ZSCAN5A: variants seen among roughly 807,000 people sequenced by gnomAD.
ZSCAN5A encodes zinc finger and SCAN domain containing 5A, also known as zinc finger and SCAN domain-containing protein 5A.
In ZSCAN5A, 12 loss-of-function variants were observed where a neutral mutation model predicts 23.7. The ratio of observed to expected loss-of-function variants is 0.51; its 90% CI spans 0.32 to 0.82. ZSCAN5A has a LOEUF of 0.82. Ranked by LOEUF, ZSCAN5A falls within the 40% of genes least tolerant of loss-of-function variation. The probability of loss-of-function intolerance (pLI) is 0.03; values close to 1 mark genes in which losing one functional copy is unlikely to be tolerated. For synonymous variants in ZSCAN5A, 257 were observed against 239.9 expected (o/e 1.07, Z -0.66); for missense variants, 597 against 617.9 (o/e 0.97, Z 0.36).
chr19:56,252,892 G>C (rs1306318026), intron 2 of ZSCAN5A, among the ~76,000 whole-genome samples: 1 of 152,202 alleles, frequency 6.6e-6, no homozygotes, highest in African/African-American at 2.4e-5. Flanking sequence ...CACGCCAGGG[G>C]GCCCCATTCA....
chr19:56,266,368 T>C (rs1185903211), intron 2 of ZSCAN5A: 5 of 152,150 alleles, frequency 3.3e-5, no homozygotes, highest in Admixed American at 3.3e-4. Context: ...GAGATGATAA[T>C]GTGTGTGAAG....
rs187837440 is a variant in ZSCAN5A, at chr19:56,261,140, G to A, written c.-127-35967C>T. Among the ~76,000 whole-genome samples the A allele has an allele frequency of 4.2e-3, 634 of 152,088 alleles. 5 individuals carry two copies. The highest frequency in any genetic ancestry group is 5.9e-3 in the Admixed American group (90 of 15,286). On this transcript the variant is annotated intron_variant, in intron 2 of 5. Transcript: ENST00000683990. The stretch of plus-strand genomic sequence containing the variant: ...GGAGAATCTCTTGAACTTGGGAGGC[G>A]GAGGTTGCAGTGAGCTGAGATTGTG...
intron 2 of ZSCAN5A, among the ~76,000 whole-genome samples, chr19:56,301,081 G>C (rs535225193): frequency 6.6e-6 from 1 of 152,044 alleles, no homozygotes; most frequent in South Asian, 2.1e-4. Flanking sequence ...AAGGGGTCCC[G>C]ATCAAGACCC....
At chr19:56,320,138 A>C in intron 2 of ZSCAN5A, 1 of 755,222 alleles carries the variant, frequency 1.3e-6, no homozygotes. Context: ...TTCTGATCAA[A>C]GTTTAGTCTG....
intron 2 of ZSCAN5A, among the ~76,000 whole-genome samples, chr19:56,346,241 A>G (rs1395236045): frequency 6.6e-6 from 1 of 152,188 alleles, no homozygotes; most frequent in Admixed American, 6.5e-5. Context: ...AACAAAAAAC[A>G]TTTAAGCAAA....
intron 2 of ZSCAN5A, among the ~76,000 whole-genome samples, chr19:56,328,801 A>G (rs1239698601): frequency 1.3e-5 from 2 of 150,936 alleles, no homozygotes; most frequent in East Asian, 3.9e-4. Flanking sequence ...GGAGATCGAG[A>G]CCACGGTGAA....
At chr19:56,243,734 C>T (rs2035614355) in intron 2 of ZSCAN5A, among the ~76,000 whole-genome samples, 1 of 152,000 alleles carries the variant, frequency 6.6e-6, no homozygotes, top group South Asian at 2.1e-4. Flanking sequence ...TCCAGGGGAG[C>T]ATTAGGATTT....
intron 2 of ZSCAN5A, among the ~76,000 whole-genome samples, chr19:56,307,927 G>A (rs1188458870): frequency 2.0e-5 from 3 of 152,224 alleles, no homozygotes; most frequent in Non-Finnish European, 4.4e-5. Flanking sequence ...ATCAAGTTCA[G>A]GTCTCTGGCA....
At chr19:56,289,458 C>A (rs1420791620) in intron 2 of ZSCAN5A, among the ~76,000 whole-genome samples, 1 of 152,154 alleles carries the variant, frequency 6.6e-6, no homozygotes, top group Non-Finnish European at 1.5e-5. Context: ...CGTATTTATA[C>A]TCTAGTTCGG....
chr19:56,265,154 T>A (rs1183697524), intron 2 of ZSCAN5A, among the ~76,000 whole-genome samples: 2 of 151,436 alleles, frequency 1.3e-5, no homozygotes, highest in Admixed American at 1.3e-4. Flanking sequence ...TAAATGCTTA[T>A]CCTGTATGTA....
chr19:56,335,629 G>T (rs1319951804), intron 2 of ZSCAN5A, among the ~76,000 whole-genome samples: 2 of 152,206 alleles, frequency 1.3e-5, no homozygotes, highest in Non-Finnish European at 2.9e-5. Flanking sequence ...CTGTCATTAT[G>T]ATGTTAGCTG....
chr19:56,290,749 A>G (rs1275028610), intron 2 of ZSCAN5A, among the ~76,000 whole-genome samples: 5 of 152,160 alleles, frequency 3.3e-5, no homozygotes, highest in Non-Finnish European at 5.9e-5. Flanking sequence ...TGAATGGAGG[A>G]ATAATTGAAT....
At chr19:56,291,964 C>T (rs2039538915) in intron 2 of ZSCAN5A, among the ~76,000 whole-genome samples, 1 of 152,128 alleles carries the variant, frequency 6.6e-6, no homozygotes, top group Non-Finnish European at 1.5e-5. Context: ...AGTTATTCCC[C>T]ACAACTTCTT....
rs141105396 is a variant in ZSCAN5A at position 56,246,019 on chromosome 19, T to C, written c.-127-20846A>G. Among the ~76,000 whole-genome samples, 75 of 151,700 alleles carry C rather than the reference T, an allele frequency of 4.9e-4. 1 individual carries two copies. The highest frequency in any genetic ancestry group is 6.6e-4 in the Non-Finnish European group (45 of 67,854). On this transcript the variant is annotated intron_variant, in intron 2 of 5. Transcript: ENST00000683990. The stretch of plus-strand genomic sequence containing the variant: ...CCACCTAGAGTCATGCTCCTTCCAG[T>C]GTCAGGGGCAGGGAGACGTTGGCAC...
At chr19:56,271,004 A>G (rs545748190) in intron 2 of ZSCAN5A, among the ~76,000 whole-genome samples, 6 of 152,370 alleles carry the variant, frequency 3.9e-5, no homozygotes, top group Middle Eastern at 3.4e-3. Context: ...ATGCTAAAGA[A>G]TATTAATGAT....
rs1473360888 is a variant in ZSCAN5A, at chr19:56,223,639, T to C, written c.580A>G (p.Arg194Gly). The change falls in exon 4 of 6, where the codon AGG becomes GGG. Residue 194 changes from arginine to glycine, a missense_variant. Around this residue, in one of 5 missense-constraint regions of ZSCAN5A, gnomAD observed 406 missense variants for 353.2 expected, o/e 1.15. Transcript: ENST00000683990. ...QILPRVPALS[R>G]RQGEDFLLHK... The stretch of plus-strand genomic sequence containing the variant: ...AGGCCTCACACACTCACCTGCCTCC[T>C]GGACAATGCAGGGACCCTGGGCAGG... 8.1e-6 allele frequency: 13 copies of C among 1,613,340 alleles called. No individual in the cohort carries two copies. The highest frequency in any genetic ancestry group is 1.1e-5 in the Non-Finnish European group (13 of 1,179,942).
chr19:56,366,807 T>C (rs1361044549), intron 1 of ZSCAN5A, among the ~76,000 whole-genome samples: 1 of 152,194 alleles, frequency 6.6e-6, no homozygotes, highest in Non-Finnish European at 1.5e-5. Context: ...GTTTATATAT[T>C]ATTTTTGCAG....
At chr19:56,280,830 C>T (rs1189424683) in intron 2 of ZSCAN5A, 1 of 152,078 alleles carries the variant, frequency 6.6e-6, no homozygotes, top group Non-Finnish European at 1.5e-5. Context: ...CCCATTAGGC[C>T]CCACCTCCCA....
At chr19:56,313,241 CA>C in intron 2 of ZSCAN5A, 41 bp downstream of exon 2, 1 of 347,488 alleles carries the variant, frequency 2.9e-6, no homozygotes. Flanking sequence ...AAGACATATC[CA>C]AGACTGGGCA....
Sources: allele counts gnomAD v4.1 joint callset (sites outside exome capture counted in the v4.1 genomes callset), GRCh38; gene constraint gnomAD v4.1.1; regional missense constraint gnomAD v4.1.1; transcripts MANE v1.5; gene names NCBI Gene and HGNC (gene_info 2026-07-23, HGNC 2026-07-21).